Variants in BTD observed in about 807,000 individuals in gnomAD.
BTD encodes biocytinase.
BTD carries 13 observed loss-of-function variants against 17.7 expected under a neutral mutation model. That is an observed-to-expected ratio of 0.74 (90% CI 0.48 to 1.17). The LOEUF (loss-of-function observed/expected upper bound fraction) is 1.17. Ranked by LOEUF, BTD falls within the 50% of genes most tolerant of loss-of-function variation. BTD has a pLI of 0.00. For synonymous variants in BTD, 240 were observed against 245.2 expected (o/e 0.98, Z 0.20); for missense variants, 674 against 650.4 (o/e 1.04, Z -0.39).
At chr3:15,696,114 C>T in intron 3 of BTD, 1 of 1,503,776 alleles carries the variant, frequency 6.6e-7, no homozygotes, top group Non-Finnish European at 9.1e-7. Context: ...AGGTCTTTCA[C>T]AAGAATTCAG....
chr3:15,685,766 C>G (rs1245174431), intron 3 of BTD, among the ~76,000 whole-genome samples: 1 of 152,106 alleles, frequency 6.6e-6, no homozygotes, highest in South Asian at 2.1e-4. Context: ...GTCAAATTGA[C>G]ATTAATTCTA....
intron 3 of BTD, among the ~76,000 whole-genome samples, chr3:15,680,906 A>T (rs1251790944): frequency 6.6e-6 from 1 of 152,168 alleles, no homozygotes; most frequent in Non-Finnish European, 1.5e-5. Flanking sequence ...AGCTCAAGTG[A>T]TCTGCCTGCC....
rs1200505812 is a variant in BTD, at chr3:15,645,520, G to A, written c.*32G>A. ...TGTGTGGTCTGTGGGGCGGACTCTG[G>A]CCATCATGTTGACAGCCTTGCACTT... On this transcript the variant is annotated 3_prime_UTR_variant, in exon 4 of 4. Transcript: ENST00000643237. 2 of 1,597,838 alleles carry A rather than the reference G, an allele frequency of 1.3e-6. No individual in the cohort carries two copies. The highest frequency in any genetic ancestry group is 1.3e-5 in the African/African-American group (1 of 74,876).
chr3:15,682,599 T>C (rs1451892290), intron 3 of BTD, among the ~76,000 whole-genome samples: 1 of 152,248 alleles, frequency 6.6e-6, no homozygotes, highest in East Asian at 1.9e-4. Context: ...TAAACTGAAA[T>C]TGTGAACTTT....
At chr3:15,676,625 A>G (rs1487092121) in intron 3 of BTD, 1 of 195,118 alleles carries the variant, frequency 5.1e-6, no homozygotes, top group African/African-American at 2.4e-5. Context: ...AGACACACAT[A>G]AAGCTTCTTA....
chr3:15,658,720 G>A (rs2065894906), intron 3 of BTD, among the ~76,000 whole-genome samples: 1 of 152,122 alleles, frequency 6.6e-6, no homozygotes, highest in Non-Finnish European at 1.5e-5. Context: ...ACTCTTCTGG[G>A]AAAACGAACT....
At chr3:15,612,149 C>T (rs374043691) in intron 1 of BTD, among the ~76,000 whole-genome samples, 16 of 152,130 alleles carry the variant, frequency 1.1e-4, no homozygotes, top group East Asian at 5.8e-4. Flanking sequence ...ACAATTTCTA[C>T]ATTGCCAGAG....
At chr3:15,708,545 C>A (rs1026773298) in intron 3 of BTD, among the ~76,000 whole-genome samples, 6 of 152,006 alleles carry the variant, frequency 3.9e-5, no homozygotes, top group Admixed American at 1.3e-4. Flanking sequence ...CCTCTCAACT[C>A]AAAGCATTTT....
At chr3:15,685,127 T>G in intron 3 of BTD, 1 of 1,255,052 alleles carries the variant, frequency 8.0e-7, no homozygotes, top group Non-Finnish European at 1.1e-6. Flanking sequence ...ATTCCCAAGG[T>G]TTTTGCTAAT....
intron 3 of BTD, among the ~76,000 whole-genome samples, chr3:15,694,198 T>C (rs1174459089): frequency 2.1e-5 from 3 of 142,396 alleles, no homozygotes; most frequent in Non-Finnish European, 4.7e-5. Flanking sequence ...ACCTTCTCCA[T>C]TTAGTGATTG....
chr3:15,640,191 C>A (rs115924206), intron 2 of BTD, among the ~76,000 whole-genome samples: 418 of 152,240 alleles, frequency 2.7e-3, no homozygotes, highest in African/African-American at 9.7e-3. Flanking sequence ...AAGAAATAAT[C>A]AAAAGATGCA....
chr3:15,667,194 T>C (rs1347402942), intron 3 of BTD: 2 of 152,240 alleles, frequency 1.3e-5, no homozygotes, highest in African/African-American at 4.8e-5. Context: ...CTAGACAGTT[T>C]AAGGGAAAAG....
At chr3:15,656,331 T>TCA (rs1208620460), downstream of BTD, among the ~76,000 whole-genome samples, 1 of 152,172 alleles carries the variant, frequency 6.6e-6, no homozygotes, top group Non-Finnish European at 1.5e-5. Context: ...ACTGCATGTC[T>TCA]CACACACTTC....
chr3:15,649,840 T>C lies in BTD; in HGVS notation c.*4352T>C, dbSNP rs1056915317. ...TATCTGAGTTCCCTCTGCCGGAACA[T>C]GAGCCATGCCTAGAGTAGCCACCTA... On this transcript the variant is annotated 3_prime_UTR_variant, in exon 4 of 4. Coordinates refer to ENST00000643237, the MANE Select transcript of BTD (RefSeq NM_001370658.1). 2.0e-5 allele frequency among the ~76,000 whole-genome samples: 3 copies of C among 152,228 alleles called. No individual in the cohort carries two copies. Among genetic ancestry groups the C allele is most frequent in the Non-Finnish European group, 4.4e-5 (3 of 68,032 alleles).
At chr3:15,601,712 C>A (rs1574960887), upstream of BTD, 3 of 1,563,396 alleles carry the variant, frequency 1.9e-6, no homozygotes, top group Non-Finnish European at 2.6e-6. Flanking sequence ...CCTCCATTCG[C>A]GCGCCAGAAT....
chr3:15,627,389 A>G (rs1195360881), intron 1 of BTD, among the ~76,000 whole-genome samples: 1 of 152,082 alleles, frequency 6.6e-6, no homozygotes, highest in Non-Finnish European at 1.5e-5. Flanking sequence ...TGCCCAGCTA[A>G]TTAAAAAAAT....
intron 3 of BTD, among the ~76,000 whole-genome samples, chr3:15,682,866 C>T (rs2067687767): frequency 6.6e-6 from 1 of 152,178 alleles, no homozygotes; most frequent in African/African-American, 2.4e-5. Flanking sequence ...ACATTAAATT[C>T]CTTCCAGCTC....
chr3:15,658,014 G>A (rs1338587552), downstream of BTD, among the ~76,000 whole-genome samples: 1 of 151,750 alleles, frequency 6.6e-6, no homozygotes, highest in Non-Finnish European at 1.5e-5. Context: ...CTAAAAATAC[G>A]AAAGTTAGCT....
chr3:15,695,312 C>G (rs2069373326), intron 3 of BTD: 1 of 885,238 alleles, frequency 1.1e-6, no homozygotes, highest in Non-Finnish European at 1.8e-6. Flanking sequence ...TACCCTAAAC[C>G]CGTGCTTCCT....
Sources: allele counts gnomAD v4.1 joint callset (sites outside exome capture counted in the v4.1 genomes callset), GRCh38; gene constraint gnomAD v4.1.1; transcripts MANE v1.5; gene names NCBI Gene and HGNC (gene_info 2026-07-23, HGNC 2026-07-21).